CHMP3: variants seen among roughly 807,000 people sequenced by gnomAD.
CHMP3 encodes 25.1 protein.
In CHMP3, 8 loss-of-function variants were observed where a neutral mutation model predicts 27.4. That is an observed-to-expected ratio of 0.29 (90% CI 0.17 to 0.53). The LOEUF (loss-of-function observed/expected upper bound fraction) is 0.53, where lower values mean the gene tolerates loss of function less well. Among genes scored for constraint, CHMP3 ranks in the 20% least tolerant of loss-of-function variants. The probability of loss-of-function intolerance (pLI) is 0.96; values close to 1 mark genes in which losing one functional copy is unlikely to be tolerated. For synonymous variants in CHMP3, 86 were observed against 85.5 expected (o/e 1.01, Z -0.03); for missense variants, 208 against 271.5 (o/e 0.77, Z 1.64).
chr2:86,551,394 C>CTA (rs1676899744), intron 1 of CHMP3, among the ~76,000 whole-genome samples: 2 of 151,760 alleles, frequency 1.3e-5, no homozygotes, highest in African/African-American at 4.8e-5. Context: ...GTAGCTGGGA[C>CTA]TATAGATGCC....
chr2:86,542,449 G>C lies in CHMP3; in HGVS notation c.46-137C>G, dbSNP rs1676404209. The C allele has an allele frequency of 8.5e-6, 7 of 820,920 alleles. No homozygotes were observed. In the Middle Eastern group the frequency reaches 9.3e-4, roughly 109 times the overall value. 50.9% of individuals were successfully genotyped at this position (820,920 alleles called of 1,614,324 possible). ...GCCATTTTCAAAGACAGAGCTTTAG[G>C]GTCAAATTTTACTTTTTTTTAATTT... On this transcript the variant is annotated intron_variant, in intron 1 of 5. Coordinates refer to ENST00000263856, the MANE Select transcript of CHMP3 (RefSeq NM_016079.4).
At chr2:86,527,039 A>G (rs1218528727) in intron 3 of CHMP3, 1 of 152,112 alleles carries the variant, frequency 6.6e-6, no homozygotes, top group Non-Finnish European at 1.5e-5. Flanking sequence ...GTATTAAAGG[A>G]GCTTCAACTT....
intron 2 of CHMP3, among the ~76,000 whole-genome samples, chr2:86,537,053 T>C (rs939878069): frequency 1.3e-5 from 2 of 152,110 alleles, no homozygotes; most frequent in African/African-American, 4.8e-5. Flanking sequence ...TTTGTAGAGA[T>C]GAGGTTTTGC....
In CHMP3 at chr2:86,504,056, C is replaced by CCCTG. The variant is rs1208981512; in HGVS notation, c.*1744_*1747dup. On this transcript the variant is annotated 3_prime_UTR_variant, in exon 6 of 6. Coordinates refer to ENST00000263856, the MANE Select transcript of CHMP3 (RefSeq NM_016079.4). The stretch of plus-strand genomic sequence containing the variant: ...TCACGAGTTTACCTGCACATGTACC[C>CCCTG]CCTGAACCTAATTTTTTTTTTAAAG... The CCCTG allele has an allele frequency of 6.6e-6, 1 of 152,092 alleles. No individual in the cohort carries two copies. Among genetic ancestry groups the CCCTG allele is most frequent in the Non-Finnish European group, 1.5e-5 (1 of 68,040 alleles). The allele number at this position is 152,092 out of a possible 1,614,324, so 9.4% of individuals were successfully genotyped here.
At chr2:86,560,817 G>C (rs1677324115) in intron 1 of CHMP3, among the ~76,000 whole-genome samples, 1 of 152,146 alleles carries the variant, frequency 6.6e-6, no homozygotes, top group Admixed American at 6.5e-5. Context: ...CAATCATGGG[G>C]GAAGGCAAAG....
intron 1 of CHMP3, among the ~76,000 whole-genome samples, chr2:86,549,686 G>A (rs1676798636): frequency 6.8e-6 from 1 of 147,298 alleles, no homozygotes; most frequent in Non-Finnish European, 1.5e-5. Flanking sequence ...GTGGCGGCCG[G>A]GCAGAGACGC....
At chr2:86,535,336 G>A (rs1319635711) in intron 2 of CHMP3, among the ~76,000 whole-genome samples, 1 of 151,076 alleles carries the variant, frequency 6.6e-6, no homozygotes, top group Admixed American at 6.6e-5. Context: ...GTATGGCATA[G>A]CTATTTTGTC....
intron 3 of CHMP3, among the ~76,000 whole-genome samples, chr2:86,517,913 C>CA (rs953666447): frequency 6.6e-6 from 1 of 152,010 alleles, no homozygotes; most frequent in African/African-American, 2.4e-5. Flanking sequence ...CCCAGATACC[C>CA]AGGAGGCTGA....
chr2:86,529,898 T>C (rs1175447213), intron 2 of CHMP3, among the ~76,000 whole-genome samples: 1 of 152,192 alleles, frequency 6.6e-6, no homozygotes, highest in African/African-American at 2.4e-5. Flanking sequence ...ATACATAAAA[T>C]ATAACATCTT....
intron 1 of CHMP3, among the ~76,000 whole-genome samples, chr2:86,550,361 G>GGGAGAC (rs1213232750): frequency 1.1e-4 from 17 of 151,996 alleles, no homozygotes; most frequent in Non-Finnish European, 2.1e-4. Context: ...CGGCAACAGA[G>GGGAGAC]GGAGACGGAG....
chr2:86,522,003 C>A (rs1675539618), intron 3 of CHMP3, among the ~76,000 whole-genome samples: 1 of 152,138 alleles, frequency 6.6e-6, no homozygotes, highest in Non-Finnish European at 1.5e-5. Flanking sequence ...CACCTTTGAA[C>A]CTCTCCCTTA....
At chr2:86,552,112 T>G (rs1676927247) in intron 1 of CHMP3, among the ~76,000 whole-genome samples, 1 of 152,214 alleles carries the variant, frequency 6.6e-6, no homozygotes, top group South Asian at 2.1e-4. Context: ...GGAACTGGCT[T>G]GAAATAGCTC....
chr2:86,527,402 A>G (rs923795530), intron 3 of CHMP3, among the ~76,000 whole-genome samples: 4 of 152,222 alleles, frequency 2.6e-5, no homozygotes, highest in African/African-American at 2.4e-5. Context: ...AGCAATAAGG[A>G]AAGAGTGAAA....
intron 1 of CHMP3, among the ~76,000 whole-genome samples, chr2:86,558,029 G>C (rs992777733): frequency 2.0e-5 from 3 of 152,058 alleles, no homozygotes; most frequent in Non-Finnish European, 4.4e-5. Flanking sequence ...ACAACCATGA[G>C]TCATGACCCA....
chr2:86,526,682 C>CTCTA (rs1553405339), intron 3 of CHMP3, among the ~76,000 whole-genome samples: 2,040 of 149,566 alleles, frequency 0.014, 50 homozygotes, highest in African/African-American at 0.048. Context: ...CTCTCTCTCT[C>CTCTA]TATATATATA....
At chr2:86,549,339 G>A (rs1283981793) in intron 1 of CHMP3, among the ~76,000 whole-genome samples, 52 of 136,558 alleles carry the variant, frequency 3.8e-4, no homozygotes, top group African/African-American at 1.1e-3. Flanking sequence ...GATGATGGGC[G>A]GCCGGGCAGA....
chr2:86,517,565 CAAA>C (rs70956116), intron 3 of CHMP3, among the ~76,000 whole-genome samples: 2 of 90,138 alleles, frequency 2.2e-5, no homozygotes, highest in Admixed American at 1.2e-4. Flanking sequence ...GACTCCGTCT[CAAA>C]AAAAAAAAAA....
intron 3 of CHMP3, among the ~76,000 whole-genome samples, chr2:86,514,883 A>AT (rs1675236885): frequency 6.6e-6 from 1 of 152,194 alleles, no homozygotes; most frequent in South Asian, 2.1e-4. Context: ...ATTTTACTAT[A>AT]AAACCTCCCC....
chr2:86,537,301 T>TC (rs764221467), intron 2 of CHMP3, among the ~76,000 whole-genome samples: 8 of 152,252 alleles, frequency 5.3e-5, no homozygotes, highest in Non-Finnish European at 1.0e-4. Context: ...ATTGTACTTT[T>TC]CAGCTCTGGA....
Sources: allele counts gnomAD v4.1 joint callset (sites outside exome capture counted in the v4.1 genomes callset), GRCh38; gene constraint gnomAD v4.1.1; transcripts MANE v1.5; gene names NCBI Gene and HGNC (gene_info 2026-07-23, HGNC 2026-07-21).